The following LRRTM3 variants were observed in gnomAD, a reference collection of about 807,000 sequenced individuals.
LRRTM3 encodes leucine-rich repeat transmembrane neuronal protein 3.
In LRRTM3, 24 loss-of-function variants were observed where a neutral mutation model predicts 44.7. The ratio of observed to expected loss-of-function variants is 0.54; its 90% CI spans 0.39 to 0.76. LRRTM3 has a LOEUF of 0.76. LRRTM3 is among the 30% of genes least tolerant of loss of function. LRRTM3 has a pLI of 0.00. For missense variants in LRRTM3, 587 were observed against 702.2 expected (o/e 0.84, Z 1.85); for synonymous variants, 277 against 278.7 (o/e 0.99, Z 0.06).
chr10:67,063,859 G>A (rs980241935), intron 2 of LRRTM3, among the ~76,000 whole-genome samples: 3 of 152,186 alleles, frequency 2.0e-5, no homozygotes, highest in Non-Finnish European at 4.4e-5. Context: ...AAAGGATGAT[G>A]CTAGCAATCA....
chr10:66,951,176 C>T (rs375559666), intron 2 of LRRTM3, among the ~76,000 whole-genome samples: 2 of 150,684 alleles, frequency 1.3e-5, no homozygotes, highest in Non-Finnish European at 2.9e-5. Context: ...GCTGGAGTGG[C>T]GTGATCTTGG....
intron 2 of LRRTM3, among the ~76,000 whole-genome samples, chr10:66,969,737 TTTTG>T (rs1316065748): frequency 6.6e-6 from 1 of 152,216 alleles, no homozygotes; most frequent in East Asian, 1.9e-4. Flanking sequence ...AGATTGAATT[TTTTG>T]TTTGTTTATT....
chr10:66,952,278 T>C (rs1163417770), intron 2 of LRRTM3, among the ~76,000 whole-genome samples: 1 of 152,150 alleles, frequency 6.6e-6, no homozygotes, highest in Non-Finnish European at 1.5e-5. Flanking sequence ...CCCAGATGCA[T>C]ACAAAAGTTC....
In LRRTM3 at chr10:66,971,039, C is replaced by T. The variant is rs556526991; in HGVS notation, c.1536+42587C>T. 1.4e-4 allele frequency among the ~76,000 whole-genome samples: 22 copies of T among 152,140 alleles called. No individual in the cohort carries two copies. In the South Asian group the frequency reaches 4.6e-3, roughly 32 times the overall value. ...TTTCTATGAGTATTTGCATTATTTG[C>T]TCTTTTTCCCCTTTGAATCATCTTA... On this transcript the variant is annotated intron_variant, in intron 2 of 2. Coordinates refer to ENST00000361320, the MANE Select transcript of LRRTM3 (RefSeq NM_178011.5).
intron 2 of LRRTM3, among the ~76,000 whole-genome samples, chr10:67,045,387 A>T (rs1047077456): frequency 6.6e-6 from 1 of 152,190 alleles, no homozygotes. Flanking sequence ...TTTTTAAAAA[A>T]AATTTATTCA....
At chr10:67,066,305 G>C (rs866093191) in intron 2 of LRRTM3, among the ~76,000 whole-genome samples, 4 of 148,968 alleles carry the variant, frequency 2.7e-5, no homozygotes, top group Non-Finnish European at 5.9e-5. Context: ...AGATTCTCCT[G>C]CCTCAGCCTC....
Position 67,080,826 on chromosome 10 carries a change from G to A in LRRTM3, c.1537-16761G>A, listed in dbSNP as rs377632502. Among the ~76,000 whole-genome samples, 154 of 151,730 alleles carry A rather than the reference G, an allele frequency of 1.0e-3. 1 individual carries two copies. The highest frequency in any genetic ancestry group is 6.8e-3 in the Middle Eastern group (2 of 292). ...CGGGAGGCTGAGGCAGGAGAATGGC[G>A]TGAACCCGGGAGGCAGAGCTTGCAG... On this transcript the variant is annotated intron_variant, in intron 2 of 2. Transcript: ENST00000361320.
Position 67,005,682 on chromosome 10 carries a change from C to CTTTTTTTTTTTTTTTTTTTTTTTTTTTTT in LRRTM3, c.1536+77251_1536+77252insTTTTTTTTTTTTTTTTTTTTTTTTTTTTT, listed in dbSNP as rs11369576. On this transcript the variant is annotated intron_variant, in intron 2 of 2. Coordinates refer to ENST00000361320, the MANE Select transcript of LRRTM3 (RefSeq NM_178011.5). ...AATGCTTTTGTTTATTTTACTCCAT[C>CTTTTTTTTTTTTTTTTTTTTTTTTTTTTT]TTTTTTTTTTTTTTTTTTTTTGAGA... Among the ~76,000 whole-genome samples the CTTTTTTTTTTTTTTTTTTTTTTTTTTTTT allele has an allele frequency of 2.4e-4, 15 of 61,984 alleles. 5 individuals are homozygous for CTTTTTTTTTTTTTTTTTTTTTTTTTTTTT. The highest frequency in any genetic ancestry group is 4.1e-4 in the Non-Finnish European group (14 of 34,094). 40.7% of individuals were successfully genotyped at this position (61,984 alleles called of 152,430 possible). A position where few individuals can be genotyped will look rare whatever the true frequency, so the allele number is the denominator to read the frequency against.
At chr10:67,066,571 T>A (rs1405227403) in intron 2 of LRRTM3, among the ~76,000 whole-genome samples, 1 of 150,438 alleles carries the variant, frequency 6.6e-6, no homozygotes, top group African/African-American at 2.4e-5. Flanking sequence ...ACACCAACCA[T>A]TACAGAAGCC....
In LRRTM3 at chr10:67,101,525, AAAT is replaced by A. The variant is rs1858342206; in HGVS notation, c.*3734_*3736del. Among the ~76,000 whole-genome samples the A allele has an allele frequency of 6.6e-6, 1 of 151,756 alleles. No individual in the cohort carries two copies. Among genetic ancestry groups the A allele is most frequent in the Admixed American group, 6.6e-5 (1 of 15,158 alleles). On this transcript the variant is annotated 3_prime_UTR_variant, in exon 3 of 3. Coordinates refer to ENST00000361320, the MANE Select transcript of LRRTM3 (RefSeq NM_178011.5). ...GAACCTAAAACATATGCTAACTTGC[AAAT>A]AATATATTTTACTGATCAACTCATT...
intron 2 of LRRTM3, among the ~76,000 whole-genome samples, chr10:66,969,476 C>A (rs1206738312): frequency 6.6e-6 from 1 of 152,068 alleles, no homozygotes; most frequent in African/African-American, 2.4e-5. Flanking sequence ...GCAGCTTTAT[C>A]CATAAAACTT....
chr10:66,954,036 G>A (rs1345572389), intron 2 of LRRTM3, among the ~76,000 whole-genome samples: 2 of 152,144 alleles, frequency 1.3e-5, no homozygotes, highest in East Asian at 3.9e-4. Context: ...AATACTAGCT[G>A]TTACTTCCAT....
chr10:67,011,057 C>T (rs757130549), intron 2 of LRRTM3, among the ~76,000 whole-genome samples: 6 of 152,020 alleles, frequency 3.9e-5, no homozygotes, highest in African/African-American at 1.2e-4. Context: ...AGGCCAGGCG[C>T]GGTGGCTCAC....
intron 2 of LRRTM3, among the ~76,000 whole-genome samples, chr10:67,072,591 G>C (rs931327601): frequency 6.6e-6 from 1 of 152,152 alleles, no homozygotes; most frequent in Non-Finnish European, 1.5e-5. Flanking sequence ...CTGGGTTGGG[G>C]CTAGATTGCA....
intron 2 of LRRTM3, among the ~76,000 whole-genome samples, chr10:67,043,789 T>C (rs578156567): frequency 1.3e-5 from 2 of 152,320 alleles, no homozygotes; most frequent in East Asian, 1.9e-4. Context: ...TTAGGTTTTA[T>C]GCACAGCAAC....
At chr10:66,974,690 TTTTTG>T (rs1211779021) in intron 2 of LRRTM3, among the ~76,000 whole-genome samples, 1 of 152,198 alleles carries the variant, frequency 6.6e-6, no homozygotes, top group Non-Finnish European at 1.5e-5. Context: ...TGACTTTTTG[TTTTTG>T]TTTTGTCATT....
At chr10:66,966,735 C>A (rs1015240827) in intron 2 of LRRTM3, among the ~76,000 whole-genome samples, 1 of 151,760 alleles carries the variant, frequency 6.6e-6, no homozygotes, top group Admixed American at 6.6e-5. Flanking sequence ...GATAGGCAAA[C>A]CATATTTAGA....
In LRRTM3 at chr10:67,001,843, T is replaced by C. The variant is rs75970868; in HGVS notation, c.1536+73391T>C. Among the ~76,000 whole-genome samples the C allele has an allele frequency of 1.4e-4, 22 of 152,300 alleles. No individual in the cohort carries two copies. In the East Asian group the frequency reaches 4.1e-3, roughly 28 times the overall value. On this transcript the variant is annotated intron_variant, in intron 2 of 2. Transcript: ENST00000361320. The stretch of plus-strand genomic sequence containing the variant: ...TTCTACTGACTGTATCTCTTCCTTT[T>C]CTTTCTGTTTAGCCTTGTCATCATT...
intron 2 of LRRTM3, among the ~76,000 whole-genome samples, chr10:66,933,678 C>T (rs999238611): frequency 5.3e-5 from 8 of 152,142 alleles, no homozygotes; most frequent in African/African-American, 1.7e-4. Flanking sequence ...ATAGAAATTA[C>T]TATTGACTTT....
Sources: gnomAD v4.1 joint callset for allele counts (sites outside exome capture counted in the v4.1 genomes callset) on GRCh38, gnomAD v4.1.1 for gene constraint, MANE v1.5 for transcripts, NCBI Gene and HGNC (gene_info 2026-07-23, HGNC 2026-07-21) for gene names.